NUP210: variants seen among roughly 807,000 people sequenced by gnomAD.
The protein encoded by NUP210 is nucleoporin 210, also known as nuclear pore membrane glycoprotein 210.
Under a neutral mutation model 196.0 loss-of-function variants are expected in NUP210, and 151 were observed. That is an observed-to-expected ratio of 0.77 (90% CI 0.67 to 0.88). NUP210 has a LOEUF of 0.88. NUP210 is among the 40% of genes least tolerant of loss of function. The pLI is 0.00. For synonymous variants in NUP210, 1,070 were observed against 1,052.7 expected (o/e 1.02, Z -0.32); for missense variants, 2,314 against 2,493.7 (o/e 0.93, Z 1.53).
intron 28 of NUP210, among the ~76,000 whole-genome samples, chr3:13,334,350 G>A (rs755099429): frequency 3.3e-5 from 5 of 152,130 alleles, no homozygotes; most frequent in African/African-American, 4.8e-5. Context: ...GGTGAGTGTG[G>A]GGATGTGCAT....
In NUP210 at chr3:13,320,845, T is replaced by C. The variant is rs1029051992; in HGVS notation, c.5166+740A>G. 1.3e-3 allele frequency among the ~76,000 whole-genome samples: 195 copies of C among 150,964 alleles called. 3 individuals carry two copies. Among genetic ancestry groups the C allele is most frequent in the South Asian group, 1.5e-3 (7 of 4,772 alleles). ...AGGTAGAACTTGCAGTGAGCCCAGA[T>C]TGCGCCACTGCACTCCAGCCTGGGC... On this transcript the variant is annotated intron_variant, in intron 36 of 39. Transcript: ENST00000254508.
rs562030680 is a variant in NUP210 at position 13,376,316 on chromosome 3, G to A, written c.1268C>T (p.Ala423Val). ...CTGGTCCACCACAGAGGTGAGGGCC[G>A]CGTCAATGGCCGTCTGTCCCCTCTT... is the stretch of plus-strand genomic sequence containing the variant. ...ALKRGQTAID[A>V]ALTSVVDQDG... The change falls in exon 10 of 40, where the codon GCG (alanine) becomes GTG (valine). Residue 423 changes from alanine to valine, a missense_variant. By Grantham distance (64) the Ala-to-Val change is moderately conservative. Coordinates refer to ENST00000254508, the MANE Select transcript of NUP210 (RefSeq NM_024923.4). 1.5e-5 allele frequency: 25 copies of A among 1,614,030 alleles called. 1 individual carries two copies. The highest frequency in any genetic ancestry group is 7.7e-5 in the South Asian group (7 of 91,076).
At chr3:13,354,185 G>T in intron 16 of NUP210, 78 bp from the exon 17 acceptor site, 1 of 1,231,218 alleles carries the variant, frequency 8.1e-7, no homozygotes, top group Non-Finnish European at 1.1e-6. Context: ...GCACTCTGAG[G>T]CCAGCAGCTG....
In NUP210 at chr3:13,323,223, G is replaced by A; in HGVS notation, c.4768+86C>T. ...GTTGGTGTGAGTGTGAATAGGAGAA[G>A]CAGATAAACTCCATCCAGAGGACAC... On this transcript the variant is annotated intron_variant, in intron 34 of 39. Coordinates refer to ENST00000254508, the MANE Select transcript of NUP210 (RefSeq NM_024923.4). This position sits in a 1 kb window ranked among gnomAD's most constrained non-coding sequence, Gnocchi z 4.3. The A allele has an allele frequency of 3.9e-6, 6 of 1,535,694 alleles. No homozygotes were observed. The highest frequency in any genetic ancestry group is 5.3e-6 in the Non-Finnish European group (6 of 1,122,936).
rs759482743 is a variant in NUP210, at chr3:13,317,654, C to T, written c.*27G>A. 6.6e-7 allele frequency: 1 copy of T among 1,521,310 alleles called. No homozygotes were observed. The highest frequency in any genetic ancestry group is 9.0e-7 in the Non-Finnish European group (1 of 1,108,562). 94.2% of individuals were successfully genotyped at this position (1,521,310 alleles called of 1,614,324 possible). On this transcript the variant is annotated 3_prime_UTR_variant, in exon 40 of 40. Transcript: ENST00000254508. Reference sequence around the variant, plus strand: ...GGGGGTGCACGAGGCTCGGCTGAGACCCATCCTCCGGGAACCTTCACGCGG... The same window carrying T: ...GGGGGTGCACGAGGCTCGGCTGAGATCCATCCTCCGGGAACCTTCACGCGG...
intron 28 of NUP210, 56 bp downstream of exon 28, chr3:13,335,398 T>C (rs1320847874): frequency 6.3e-7 from 1 of 1,575,184 alleles, no homozygotes; most frequent in African/African-American, 1.3e-5. Context: ...GAAGGAAGAT[T>C]GGGCAGCTGG....
In NUP210 at chr3:13,358,287, C is replaced by A. The variant is rs775722678; in HGVS notation, c.2263G>T (p.Ala755Ser). 2 of 1,613,682 alleles carry A rather than the reference C, an allele frequency of 1.2e-6. No individual in the cohort carries two copies. The highest frequency in any genetic ancestry group is 1.7e-6 in the Non-Finnish European group (2 of 1,179,854). ...AGCTGGGGGCTGGTGTAGACAGGCG[C>A]GAGGGTGAGCCTGGACGGTGGGGCG... Reference protein sequence around the residue: ...VCAPPSRLTLAPVYTSPQLDM... With the variant: ...VCAPPSRLTLSPVYTSPQLDM... Residue 755 changes from alanine to serine, a missense_variant, in exon 16 of 40, where the codon GCG (alanine) becomes TCG (serine). Ala to Ser is a moderately conservative substitution (Grantham distance 99, BLOSUM62 1). Transcript: ENST00000254508.
rs767465801 is a variant in NUP210 at position 13,322,228 on chromosome 3, A to G, written c.4880T>C (p.Val1627Ala). 2.5e-6 allele frequency: 4 copies of G among 1,614,062 alleles called. No individual in the cohort carries two copies. The highest frequency in any genetic ancestry group is 3.4e-6 in the Non-Finnish European group (4 of 1,180,042). The change falls in exon 35 of 40, where the codon GTG (valine) becomes GCG (alanine). Residue 1627 changes from valine (V) to alanine (A), a missense_variant. Transcript: ENST00000254508. ...GTCAAACTGTGGCTCCACGGTGAAC[A>G]CATCTTGAGATGGGAAATCAAAGAC... ...PAVFDFPSQD[V>A]FTVEPQFDTA...
At chr3:13,387,898 G>T (rs1361435864) in intron 5 of NUP210, among the ~76,000 whole-genome samples, 1 of 152,130 alleles carries the variant, frequency 6.6e-6, no homozygotes, top group East Asian at 1.9e-4. Flanking sequence ...GCTCCAATGG[G>T]GGCCCAAGGA....
chr3:13,336,624 G>A (rs866256978), intron 27 of NUP210, among the ~76,000 whole-genome samples, 163 bp downstream of exon 27: 7 of 152,156 alleles, frequency 4.6e-5, no homozygotes, highest in African/African-American at 1.7e-4. Context: ...TGGGAGAAGG[G>A]AGTCCCGATG....
rs575989663 is a variant in NUP210, at chr3:13,414,401, G to A, written c.167+5659C>T. 3.9e-5 allele frequency among the ~76,000 whole-genome samples: 6 copies of A among 152,338 alleles called. No homozygotes were observed. In the South Asian group the frequency reaches 1.0e-3, roughly 26 times the overall value. On this transcript the variant is annotated intron_variant, in intron 1 of 39. Coordinates refer to ENST00000254508, the MANE Select transcript of NUP210 (RefSeq NM_024923.4). The stretch of plus-strand genomic sequence containing the variant: ...CTGGCACTTCCCTGCTGCGGGCCTG[G>A]TGAAGGGAGTTGAGCAAGGCCCGGT...
In NUP210 at chr3:13,351,909, C is replaced by T. The variant is rs1282177518; in HGVS notation, c.2805G>A (p.Val935=). The change falls in exon 20 of 40, where the codon GTG becomes GTA. Residue 935 remains valine (V), a synonymous_variant. Coordinates refer to ENST00000254508, the MANE Select transcript of NUP210 (RefSeq NM_024923.4). The stretch of plus-strand genomic sequence containing the variant: ...CGACACCCCTGGCCTCCTGGTAGGC[C>T]ACCTTGACAACATCTGCGGTGCTGG... ...LNTSTADVVK[V]AYQEARGVAM... is the part of the protein sequence containing the mutation. 2 of 1,613,758 alleles carry T rather than the reference C, an allele frequency of 1.2e-6. No homozygotes were observed. Among genetic ancestry groups the T allele is most frequent in the African/African-American group, 1.3e-5 (1 of 74,922 alleles).
At chr3:13,388,684 T>G (rs1202073637) in intron 4 of NUP210, among the ~76,000 whole-genome samples, 1 of 152,222 alleles carries the variant, frequency 6.6e-6, no homozygotes, top group East Asian at 1.9e-4. Context: ...GGCCCAGGCT[T>G]TGTCTCCAAG....
intron 1 of NUP210, among the ~76,000 whole-genome samples, chr3:13,419,584 C>T (rs1011607583): frequency 3.9e-5 from 6 of 152,234 alleles, no homozygotes; most frequent in African/African-American, 1.2e-4. Context: ...TCCGTTCCTC[C>T]CCGCGACGCT....
chr3:13,327,478 A>G (rs764020529), intron 31 of NUP210, 41 bp from the exon 32 acceptor site: 3 of 1,440,814 alleles, frequency 2.1e-6, no homozygotes, highest in Non-Finnish European at 2.9e-6. Context: ...GTCTCGGGAA[A>G]GAAGCTTCCA....
intron 13 of NUP210, among the ~76,000 whole-genome samples, chr3:13,370,312 G>A (rs1257794108): frequency 1.3e-5 from 2 of 152,306 alleles, no homozygotes; most frequent in East Asian, 3.9e-4. Context: ...CAAACTCCTG[G>A]AGAAACGCCC....
Position 13,317,647 on chromosome 3 carries a change from G to A in NUP210, c.*34C>T. 6.8e-7 allele frequency: 1 copy of A among 1,478,174 alleles called. No individual in the cohort carries two copies. Among genetic ancestry groups the A allele is most frequent in the African/African-American group, 1.4e-5 (1 of 72,188 alleles). The allele number at this position is 1,478,174 out of a possible 1,614,324, so 91.6% of individuals were successfully genotyped here. Reference sequence around the variant, plus strand: ...CCATCTTGGGGGTGCACGAGGCTCGGCTGAGACCCATCCTCCGGGAACCTT... The same window carrying A: ...CCATCTTGGGGGTGCACGAGGCTCGACTGAGACCCATCCTCCGGGAACCTT... On this transcript the variant is annotated 3_prime_UTR_variant, in exon 40 of 40. Transcript: ENST00000254508.
intron 9 of NUP210, among the ~76,000 whole-genome samples, chr3:13,377,151 G>A (rs541276270): frequency 2.8e-4 from 43 of 152,290 alleles, no homozygotes; most frequent in African/African-American, 9.4e-4. Context: ...AAGGGGGCGG[G>A]AGAGTGGCGG....
At chr3:13,328,662 A>G in intron 31 of NUP210, 109 bp downstream of exon 31, 5 of 1,060,006 alleles carry the variant, frequency 4.7e-6, no homozygotes, top group Non-Finnish European at 7.1e-6. Flanking sequence ...AAACTGAAGT[A>G]ATACACATCT....
Sources: gnomAD v4.1 joint callset for allele counts (sites outside exome capture counted in the v4.1 genomes callset) on GRCh38, gnomAD v4.1.1 for gene constraint, Gnocchi (gnomAD v3.1) non-coding constraint, MANE v1.5 for transcripts, NCBI Gene and HGNC (gene_info 2026-07-23, HGNC 2026-07-21) for gene names.